The following KIFC3 variants were observed in gnomAD, a reference collection of about 807,000 sequenced individuals.
KIFC3 encodes the protein kinesin-like protein KIFC3.
In KIFC3, 60 loss-of-function variants were observed where a neutral mutation model predicts 101.8. That is an observed-to-expected ratio of 0.59 (90% CI 0.48 to 0.73). The LOEUF is 0.73. Among genes scored for constraint, KIFC3 ranks in the 30% least tolerant of loss-of-function variants. The pLI is 0.00. For missense variants in KIFC3, 966 were observed against 1,137.1 expected (o/e 0.85, Z 2.16); for synonymous variants, 476 against 482.7 (o/e 0.99, Z 0.18).
At chr16:57,803,229 TG>T, upstream of KIFC3, 1 of 708,126 alleles carries the variant, frequency 1.4e-6, no homozygotes, top group Admixed American at 2.0e-5. Flanking sequence ...GCCCTGCTAC[TG>T]GGGCACCTAG....
chr16:57,809,056 C>G (rs2055007845), intron 1 of KIFC3, among the ~76,000 whole-genome samples: 1 of 152,210 alleles, frequency 6.6e-6, no homozygotes, highest in African/African-American at 2.4e-5. Flanking sequence ...TCTTGGAAGG[C>G]AGAGGTGGGA....
intron 1 of KIFC3, among the ~76,000 whole-genome samples, chr16:57,841,171 G>GA (rs1348173477): frequency 3.6e-4 from 55 of 152,282 alleles, no homozygotes; most frequent in Middle Eastern, 3.4e-3. Flanking sequence ...AACAGTGGTG[G>GA]AAAAAAATAA....
chr16:57,768,509 T>TCACACACACACACACACACACA (rs61591593), intron 9 of KIFC3, among the ~76,000 whole-genome samples: 6,515 of 139,032 alleles, frequency 0.047, 242 homozygotes, highest in Middle Eastern at 0.066. Context: ...CCATATATTC[T>TCACACACACACACACACACACA]CACACACACA....
At chr16:57,832,812 C>G (rs1251554960) in intron 1 of KIFC3, among the ~76,000 whole-genome samples, 1 of 152,202 alleles carries the variant, frequency 6.6e-6, no homozygotes, top group Non-Finnish European at 1.5e-5. Context: ...CTACTCCTCA[C>G]TCACAGCTTC....
At chr16:57,801,464 A>C (rs2054718034) in intron 1 of KIFC3, among the ~76,000 whole-genome samples, 1 of 152,180 alleles carries the variant, frequency 6.6e-6, no homozygotes, top group African/African-American at 2.4e-5. Context: ...ACTCACTGCA[A>C]ATGCAGGGCC....
intron 1 of KIFC3, among the ~76,000 whole-genome samples, chr16:57,835,855 C>T (rs544601034): frequency 2.6e-5 from 4 of 152,262 alleles, no homozygotes; most frequent in African/African-American, 9.6e-5. Flanking sequence ...GAGGCTAAGG[C>T]GTGAAAATGG....
intron 9 of KIFC3, among the ~76,000 whole-genome samples, chr16:57,767,517 T>A (rs1453755269): frequency 6.6e-6 from 1 of 152,202 alleles, no homozygotes; most frequent in Non-Finnish European, 1.5e-5. Context: ...AGAAGGGAAG[T>A]GTATACAGTG....
chr16:57,813,836 C>T (rs1421934321), intron 1 of KIFC3: 37 of 985,300 alleles, frequency 3.8e-5, no homozygotes, highest in Non-Finnish European at 4.3e-5. Context: ...AAGACAGAAC[C>T]CCATGCTCTC....
intron 12 of KIFC3, among the ~76,000 whole-genome samples, chr16:57,762,949 G>A (rs2965800): frequency 0.55 from 83,601 of 152,080 alleles, 25,958 homozygotes; most frequent in Non-Finnish European, 0.69. Context: ...CCCCTTGGCC[G>A]GCTCCGTCAT....
chr16:57,782,326 T>A (rs1172026822), intron 3 of KIFC3: 4 of 181,530 alleles, frequency 2.2e-5, no homozygotes, highest in Non-Finnish European at 4.2e-5. Flanking sequence ...AATAGAATCC[T>A]GCTCACGGGA....
At chr16:57,782,175 T>G (rs1328826990) in intron 3 of KIFC3, 1 of 981,860 alleles carries the variant, frequency 1.0e-6, no homozygotes, top group African/African-American at 1.7e-5. Context: ...GTTGACCATC[T>G]TTTTTCTGTC....
chr16:57,835,453 G>T (rs531357885), intron 1 of KIFC3, among the ~76,000 whole-genome samples: 1 of 152,284 alleles, frequency 6.6e-6, no homozygotes, highest in African/African-American at 2.4e-5. Flanking sequence ...ATTTCCTGTA[G>T]TGACCAATAT....
At chr16:57,774,217 C>G (rs2051705751) in intron 3 of KIFC3, 1 of 152,234 alleles carries the variant, frequency 6.6e-6, no homozygotes, top group African/African-American at 2.4e-5. Flanking sequence ...GTCCTTTGGC[C>G]CCTGGGTGGG....
chr16:57,785,518 C>A (rs1555617198), intron 3 of KIFC3: 2 of 1,289,360 alleles, frequency 1.6e-6, no homozygotes, highest in Non-Finnish European at 2.0e-6. Context: ...GGAGGGCCAG[C>A]CTCTCCTGTA....
At chr16:57,797,115 A>T (rs1568051610) in intron 2 of KIFC3, among the ~76,000 whole-genome samples, 2 of 152,350 alleles carry the variant, frequency 1.3e-5, no homozygotes, top group Middle Eastern at 3.4e-3. Flanking sequence ...CACTGACAGC[A>T]CAAATGTGGT....
At chr16:57,762,950 G>A (rs1179113999) in intron 12 of KIFC3, among the ~76,000 whole-genome samples, 1 of 151,428 alleles carries the variant, frequency 6.6e-6, no homozygotes, top group African/African-American at 2.4e-5. Flanking sequence ...CCCTTGGCCG[G>A]CTCCGTCATC....
chr16:57,798,380 G>A (rs769333057), intron 1 of KIFC3, 98 bp from the exon 2 acceptor site: 4 of 1,109,108 alleles, frequency 3.6e-6, no homozygotes, highest in Admixed American at 2.0e-5. Flanking sequence ...ACGCCCCACC[G>A]GTCGCTGGTT....
intron 1 of KIFC3, among the ~76,000 whole-genome samples, chr16:57,838,005 G>A (rs2055731010): frequency 6.6e-6 from 1 of 152,170 alleles, no homozygotes; most frequent in Admixed American, 6.5e-5. Context: ...CTGGCTTGCT[G>A]AACCAGGGTC....
At chr16:57,844,551 T>C (rs1296419419) in intron 1 of KIFC3, among the ~76,000 whole-genome samples, 2 of 151,632 alleles carry the variant, frequency 1.3e-5, no homozygotes, top group Non-Finnish European at 2.9e-5. Context: ...GGGAGGGGGA[T>C]TGGAGTTCAG....
Sources: gnomAD v4.1 joint callset for allele counts (sites outside exome capture counted in the v4.1 genomes callset) on GRCh38, gnomAD v4.1.1 for gene constraint, MANE v1.5 for transcripts, NCBI Gene and HGNC (gene_info 2026-07-23, HGNC 2026-07-21) for gene names.